Variants in BACH2 observed in about 807,000 individuals in gnomAD.
The protein encoded by BACH2 is transcription regulator protein BACH2.
In BACH2, 5 loss-of-function variants were observed where a neutral mutation model predicts 61.8. That is an observed-to-expected ratio of 0.08 (90% CI 0.04 to 0.17). BACH2 has a LOEUF of 0.17. BACH2 is among the 10% of genes least tolerant of loss of function. The probability of loss-of-function intolerance (pLI) is 1.00; values close to 1 mark genes in which losing one functional copy is unlikely to be tolerated. For missense variants in BACH2, 824 were observed against 1,091.1 expected, an observed-to-expected ratio of 0.76 and a Z score of 3.45; for synonymous variants, 446 against 440.1, an observed-to-expected ratio of 1.01 and a Z score of -0.17.
intron 5 of BACH2, among the ~76,000 whole-genome samples, chr6:90,049,975 A>T (rs999417438): frequency 4.6e-5 from 7 of 152,214 alleles, no homozygotes; most frequent in African/African-American, 1.7e-4. Flanking sequence ...CTTGAAATTG[A>T]ACAAGGTGAG....
At chr6:90,065,220 T>A (rs968559818) in intron 5 of BACH2, among the ~76,000 whole-genome samples, 2 of 149,630 alleles carry the variant, frequency 1.3e-5, no homozygotes, top group African/African-American at 2.4e-5. Flanking sequence ...AGCAGGCAGT[T>A]TGGTGTAAAG....
chr6:89,969,044 T>C (rs953424536), intron 6 of BACH2, among the ~76,000 whole-genome samples: 109 of 147,954 alleles, frequency 7.4e-4, no homozygotes, highest in African/African-American at 2.6e-3. Context: ...GTCTTAAAAA[T>C]GTAGTCTTTT....
chr6:89,942,198 G>A (rs558335535), intron 7 of BACH2, among the ~76,000 whole-genome samples: 29 of 152,132 alleles, frequency 1.9e-4, no homozygotes, highest in Non-Finnish European at 3.7e-4. Flanking sequence ...GCACCGGGTC[G>A]GGGTGGGTGG....
chr6:90,069,269 T>C lies in BACH2; in HGVS notation c.-13+19692A>G, dbSNP rs191433525. On this transcript the variant is annotated intron_variant, in intron 5 of 8. Transcript: ENST00000257749. ...TGGATGGAAGGATGGATGAGATGCC[T>C]GTATCCGGATGGCAGTGTTCCAATT... is the stretch of plus-strand genomic sequence containing the variant. Among the ~76,000 whole-genome samples the C allele has an allele frequency of 2.5e-3, 382 of 152,320 alleles. 2 individuals are homozygous for C. The highest frequency in any genetic ancestry group is 8.9e-3 in the African/African-American group (369 of 41,564).
chr6:90,119,008 C>T (rs1369655938), intron 4 of BACH2, among the ~76,000 whole-genome samples: 2 of 152,020 alleles, frequency 1.3e-5, no homozygotes. Context: ...AAATTTGAGC[C>T]CAGTCTCAAC....
At chr6:90,163,106 T>C (rs1458057990) in intron 4 of BACH2, among the ~76,000 whole-genome samples, 1 of 152,190 alleles carries the variant, frequency 6.6e-6, no homozygotes, top group African/African-American at 2.4e-5. Context: ...AGATGATGCA[T>C]ACAAACACAC....
At chr6:90,134,015 T>C (rs922409914) in intron 4 of BACH2, among the ~76,000 whole-genome samples, 11 of 152,260 alleles carry the variant, frequency 7.2e-5, no homozygotes, top group African/African-American at 2.2e-4. Context: ...TGCATGTGTC[T>C]TTATAGCAGC....
At chr6:90,014,239 A>G (rs1163931190) in intron 5 of BACH2, among the ~76,000 whole-genome samples, 2 of 147,800 alleles carry the variant, frequency 1.4e-5, no homozygotes, top group African/African-American at 2.5e-5. Context: ...TCATAAAATG[A>G]GCTGGGAAGT....
At chr6:90,216,270 G>GA (rs1324083491) in intron 3 of BACH2, among the ~76,000 whole-genome samples, 2 of 152,114 alleles carry the variant, frequency 1.3e-5, no homozygotes, top group Non-Finnish European at 2.9e-5. Context: ...CCTTATTAAC[G>GA]AGAGTTTCAG....
intron 5 of BACH2, among the ~76,000 whole-genome samples, chr6:90,073,988 G>A (rs1479263555): frequency 6.6e-6 from 1 of 152,212 alleles, no homozygotes; most frequent in Non-Finnish European, 1.5e-5. Flanking sequence ...GTGAAGGAGG[G>A]AAGAGGTGCC....
intron 3 of BACH2, among the ~76,000 whole-genome samples, chr6:90,209,314 A>G (rs1025130610): frequency 2.6e-5 from 4 of 152,216 alleles, no homozygotes; most frequent in South Asian, 2.1e-4. Context: ...ACATCTCCAC[A>G]TGTACATGAT....
chr6:90,090,968 A>T (rs7452686), intron 4 of BACH2, among the ~76,000 whole-genome samples: 9,592 of 152,266 alleles, frequency 0.063, 986 homozygotes, highest in African/African-American at 0.22. Context: ...GCATGATTAC[A>T]GTGTGTCCAC....
intron 4 of BACH2, among the ~76,000 whole-genome samples, chr6:90,100,683 CTCT>C (rs1782573403): frequency 2.0e-5 from 1 of 49,874 alleles, no homozygotes; most frequent in African/African-American, 1.1e-4. Context: ...TCCTCTCTCT[CTCT>C]ACACACACAC....
At chr6:90,293,702 C>G (rs1303008793) in intron 1 of BACH2, among the ~76,000 whole-genome samples, 1 of 152,198 alleles carries the variant, frequency 6.6e-6, no homozygotes, top group Non-Finnish European at 1.5e-5. Context: ...TCTGAATCTA[C>G]TTTTAAGCAG....
chr6:90,188,166 G>A (rs151243965), intron 4 of BACH2, among the ~76,000 whole-genome samples: 6 of 152,340 alleles, frequency 3.9e-5, no homozygotes, highest in Non-Finnish European at 8.8e-5. Context: ...CAGACCAGCA[G>A]CCAGCTGTTT....
At chr6:90,168,103 A>C (rs1001456557) in intron 4 of BACH2, among the ~76,000 whole-genome samples, 34 of 152,216 alleles carry the variant, frequency 2.2e-4, no homozygotes, top group African/African-American at 8.2e-4. Flanking sequence ...GCACGCCTGT[A>C]ATCTCAGTAC....
chr6:90,227,367 A>G (rs758598610), intron 3 of BACH2, among the ~76,000 whole-genome samples: 3 of 152,220 alleles, frequency 2.0e-5, no homozygotes, highest in Non-Finnish European at 4.4e-5. Context: ...CTGTCAAACA[A>G]TGGGGTCTTT....
Position 90,228,722 on chromosome 6 carries a change from G to A in BACH2, c.-274-22041C>T, listed in dbSNP as rs544481642. On this transcript the variant is annotated intron_variant, in intron 3 of 8. Coordinates refer to ENST00000257749, the MANE Select transcript of BACH2 (RefSeq NM_021813.4). The stretch of plus-strand genomic sequence containing the variant: ...CCACTGCACTCCAGCCTGGGTGACA[G>A]CAAGACACTGTCTCAAGAAAAAACA... 6.6e-5 allele frequency among the ~76,000 whole-genome samples: 10 copies of A among 152,288 alleles called. No individual in the cohort carries two copies. The South Asian group carries it at 2.1e-3, about 32-fold the overall frequency.
chr6:90,236,846 A>G (rs946067553), intron 3 of BACH2, among the ~76,000 whole-genome samples: 3 of 152,282 alleles, frequency 2.0e-5, no homozygotes, highest in Admixed American at 6.5e-5. Context: ...TTAAAATTGA[A>G]AACTACATGC....
Sources: gnomAD v4.1 joint callset for allele counts (sites outside exome capture counted in the v4.1 genomes callset) on GRCh38, gnomAD v4.1.1 for gene constraint, MANE v1.5 for transcripts, NCBI Gene and HGNC (gene_info 2026-07-23, HGNC 2026-07-21) for gene names.